GPC6: variants seen among roughly 807,000 people sequenced by gnomAD.
GPC6 encodes the protein glypican-6.
GPC6 carries 14 observed loss-of-function variants against 55.2 expected under a neutral mutation model. The observed-to-expected ratio is 0.25, with a 90% CI of 0.17 to 0.40. The LOEUF (loss-of-function observed/expected upper bound fraction) is 0.40. GPC6 is among the 10% of genes least tolerant of loss of function. The probability of loss-of-function intolerance (pLI) is 1.00; values close to 1 mark genes in which losing one functional copy is unlikely to be tolerated. For missense variants in GPC6, 641 were observed against 708.5 expected (o/e 0.90, Z 1.08); for synonymous variants, 278 against 259.6 (o/e 1.07, Z -0.68).
intron 4 of GPC6, among the ~76,000 whole-genome samples, chr13:94,053,635 A>C (rs1242323558): frequency 6.6e-6 from 1 of 152,112 alleles, no homozygotes; most frequent in East Asian, 1.9e-4. Flanking sequence ...TTCACTTTCA[A>C]AAGTATTCCT....
At chr13:93,432,353 G>A (rs1176547970) in intron 1 of GPC6, among the ~76,000 whole-genome samples, 1 of 152,096 alleles carries the variant, frequency 6.6e-6, no homozygotes, top group African/African-American at 2.4e-5. Flanking sequence ...GAAATGTATT[G>A]GCAGCATGGC....
chr13:93,425,691 G>A (rs189206711), intron 1 of GPC6, among the ~76,000 whole-genome samples: 8 of 152,230 alleles, frequency 5.3e-5, no homozygotes, highest in African/African-American at 1.9e-4. Flanking sequence ...CCTTTCTAGT[G>A]ACTGATCTTG....
At chr13:93,242,943 A>C (rs2139017632) in intron 1 of GPC6, among the ~76,000 whole-genome samples, 1 of 152,300 alleles carries the variant, frequency 6.6e-6, no homozygotes, top group South Asian at 2.1e-4. Flanking sequence ...AAGGGTTGGA[A>C]GTCCCTGAGC....
intron 4 of GPC6, among the ~76,000 whole-genome samples, chr13:94,136,587 G>A (rs150492491): frequency 0.17 from 26,559 of 152,094 alleles, 2,743 homozygotes; most frequent in Non-Finnish European, 0.23. Flanking sequence ...GTGGGTGCCT[G>A]TAGTCCCAGC....
chr13:93,922,934 T>C (rs1000257766), intron 3 of GPC6, among the ~76,000 whole-genome samples: 2 of 152,158 alleles, frequency 1.3e-5, no homozygotes, highest in African/African-American at 4.8e-5. Flanking sequence ...TTATAATGAA[T>C]ATACAAATAT....
At chr13:93,747,027 G>A (rs982142408) in intron 2 of GPC6, among the ~76,000 whole-genome samples, 1 of 152,148 alleles carries the variant, frequency 6.6e-6, no homozygotes, top group Non-Finnish European at 1.5e-5. Context: ...AAGTAATAAA[G>A]TCTTATTACT....
chr13:94,087,318 A>T (rs1206243085), intron 4 of GPC6, among the ~76,000 whole-genome samples: 3 of 152,226 alleles, frequency 2.0e-5, no homozygotes, highest in Non-Finnish European at 4.4e-5. Context: ...CAGAATCAGG[A>T]CATGTAAAAC....
chr13:94,177,920 T>C (rs1594025489), intron 4 of GPC6, among the ~76,000 whole-genome samples: 1 of 152,290 alleles, frequency 6.6e-6, no homozygotes, highest in South Asian at 2.1e-4. Context: ...TTTTATATTC[T>C]ATCTGTCCAA....
At chr13:93,405,538 T>G (rs778643031) in intron 1 of GPC6, among the ~76,000 whole-genome samples, 32 of 152,188 alleles carry the variant, frequency 2.1e-4, no homozygotes, top group Non-Finnish European at 4.1e-4. Context: ...GCTTTTATCA[T>G]TTTGTCCGTG....
Position 93,551,771 on chromosome 13 carries a change from A to C in GPC6, c.319+6350A>C, listed in dbSNP as rs1173854825. ...TCTTGCTACTTCCCAATGTTTTACT[A>C]ATCACATTGACTTTTAAAAAATAGA... is the stretch of plus-strand genomic sequence containing the variant. On this transcript the variant is annotated intron_variant, in intron 2 of 8. Transcript: ENST00000377047. Among the ~76,000 whole-genome samples the C allele has an allele frequency of 2.0e-5, 3 of 152,150 alleles. No individual in the cohort carries two copies. The East Asian group carries it at 5.8e-4, about 29-fold the overall frequency.
chr13:94,332,600 A>G (rs776370326), intron 6 of GPC6, among the ~76,000 whole-genome samples: 5 of 152,218 alleles, frequency 3.3e-5, no homozygotes, highest in African/African-American at 4.8e-5. Context: ...AAATGCAGCT[A>G]ATCTGCCTTC....
chr13:93,354,349 A>ATTTTTT (rs11454186), intron 1 of GPC6, among the ~76,000 whole-genome samples: 3,649 of 115,624 alleles, frequency 0.032, 356 homozygotes, highest in African/African-American at 0.12. Context: ...CCGTTGGTAG[A>ATTTTTT]TTTTTTTTTT....
chr13:94,265,056 G>T (rs1213714976), intron 4 of GPC6, among the ~76,000 whole-genome samples: 1 of 152,204 alleles, frequency 6.6e-6, no homozygotes, highest in African/African-American at 2.4e-5. Flanking sequence ...TACAACTCAA[G>T]ATGAGATTTT....
chr13:94,330,624 G>C (rs1877360801), intron 6 of GPC6, among the ~76,000 whole-genome samples: 1 of 152,142 alleles, frequency 6.6e-6, no homozygotes, highest in African/African-American at 2.4e-5. Context: ...TGCAGCATCA[G>C]AACCTGCATT....
intron 3 of GPC6, among the ~76,000 whole-genome samples, chr13:93,980,478 T>G (rs1404675650): frequency 6.6e-6 from 1 of 152,118 alleles, no homozygotes; most frequent in Non-Finnish European, 1.5e-5. Context: ...CCAAGCAGTA[T>G]TCTCTGCATT....
At chr13:93,988,191 A>G (rs996289745) in intron 3 of GPC6, among the ~76,000 whole-genome samples, 3 of 152,142 alleles carry the variant, frequency 2.0e-5, no homozygotes, top group African/African-American at 7.2e-5. Context: ...GTTATTTCTA[A>G]AAAGTTTTCT....
At chr13:93,435,669 T>C (rs943726454) in intron 1 of GPC6, among the ~76,000 whole-genome samples, 1 of 152,126 alleles carries the variant, frequency 6.6e-6, no homozygotes, top group South Asian at 2.1e-4. Flanking sequence ...GCCAATAAAA[T>C]CTGGGGGCTT....
chr13:93,852,829 A>G (rs1211878625), intron 3 of GPC6, among the ~76,000 whole-genome samples: 2 of 151,522 alleles, frequency 1.3e-5, no homozygotes, highest in African/African-American at 2.4e-5. Context: ...CTAGAGGGAT[A>G]TTTCACCCTC....
chr13:93,603,584 C>G (rs1467225906), intron 2 of GPC6, among the ~76,000 whole-genome samples: 4 of 152,180 alleles, frequency 2.6e-5, no homozygotes, highest in African/African-American at 9.7e-5. Flanking sequence ...GGTCACACAT[C>G]AAGGCTCCAG....
Sources: allele counts gnomAD v4.1 joint callset (sites outside exome capture counted in the v4.1 genomes callset), GRCh38; gene constraint gnomAD v4.1.1; transcripts MANE v1.5; gene names NCBI Gene and HGNC (gene_info 2026-07-23, HGNC 2026-07-21).